OTUD7A: variants seen among roughly 807,000 people sequenced by gnomAD.
OTUD7A encodes the protein OTU deubiquitinase 7A, also known as OTU domain-containing protein 7A.
A neutral mutation model predicts 65.7 loss-of-function variants in OTUD7A; 12 were observed. The ratio of observed to expected loss-of-function variants is 0.18; its 90% CI spans 0.12 to 0.30. The LOEUF is 0.30. OTUD7A is among the 10% of genes least tolerant of loss of function. The pLI, the probability that OTUD7A is intolerant of heterozygous loss-of-function variation, is 1.00. For missense variants in OTUD7A, 1,148 were observed against 1,304.8 expected (o/e 0.88, Z 1.85); for synonymous variants, 641 against 586.3 (o/e 1.09, Z -1.35).
At chr15:31,582,278 A>T (rs1486920666) in intron 3 of OTUD7A, among the ~76,000 whole-genome samples, 1 of 152,206 alleles carries the variant, frequency 6.6e-6, no homozygotes, top group African/African-American at 2.4e-5. Flanking sequence ...CCATTCAGCA[A>T]GTCTCTAGGA....
intron 1 of OTUD7A, among the ~76,000 whole-genome samples, chr15:31,813,203 C>T (rs1393440462): frequency 2.0e-5 from 3 of 152,214 alleles, no homozygotes; most frequent in Non-Finnish European, 2.9e-5. Context: ...TGCAGGTATA[C>T]GCATGCCCTC....
chr15:31,481,562 T>C lies in OTUD7A; in HGVS notation c.*1732A>G, dbSNP rs1046605164. 3 of 152,218 alleles carry C rather than the reference T, an allele frequency of 2.0e-5. No homozygotes were observed. Among genetic ancestry groups the C allele is most frequent in the South Asian group, 2.1e-4 (1 of 4,834 alleles). The allele number at this position is 152,218 out of a possible 1,614,324, so 9.4% of individuals were successfully genotyped here. ...CAGGAAAAGTAAAACTTTCAAAAAA[T>C]TTCTTAAAGATCCTATTTAATAAAT... On this transcript the variant is annotated 3_prime_UTR_variant, in exon 13 of 13. Coordinates refer to ENST00000307050, the MANE Select transcript of OTUD7A (RefSeq NM_001382637.1).
chr15:31,567,690 G>A (rs1245129498), intron 4 of OTUD7A, among the ~76,000 whole-genome samples: 1 of 152,202 alleles, frequency 6.6e-6, no homozygotes, highest in Non-Finnish European at 1.5e-5. Flanking sequence ...CCCATCAAAG[G>A]CCTACAGGCC....
chr15:31,546,651 T>C (rs1195778069), intron 5 of OTUD7A, among the ~76,000 whole-genome samples: 1 of 152,192 alleles, frequency 6.6e-6, no homozygotes, highest in Non-Finnish European at 1.5e-5. Context: ...GAAAATAAAT[T>C]TCTGTCATTT....
chr15:31,798,861 T>C lies in OTUD7A; in HGVS notation c.-100+71646A>G, dbSNP rs567696179. Among the ~76,000 whole-genome samples, 13 of 152,258 alleles carry C rather than the reference T, an allele frequency of 8.5e-5. No homozygotes were observed. In the South Asian group the frequency reaches 2.7e-3, roughly 32 times the overall value. On this transcript the variant is annotated intron_variant, in intron 1 of 12. Coordinates refer to ENST00000307050, the MANE Select transcript of OTUD7A (RefSeq NM_001382637.1). ...AGGAGCTCTGTGCCTAGGGAACCCATTGCTTTGCTAGTGGGCAGAAAGCAG... is the reference window on the plus strand; with the variant it reads ...AGGAGCTCTGTGCCTAGGGAACCCACTGCTTTGCTAGTGGGCAGAAAGCAG...
At chr15:31,623,606 C>T (rs976541260) in intron 3 of OTUD7A, among the ~76,000 whole-genome samples, 6 of 152,224 alleles carry the variant, frequency 3.9e-5, no homozygotes, top group Non-Finnish European at 8.8e-5. Context: ...TTGCTAAGAC[C>T]ATTGGAAAAG....
intron 1 of OTUD7A, among the ~76,000 whole-genome samples, chr15:31,671,006 A>G (rs1892471050): frequency 6.6e-6 from 1 of 152,086 alleles, no homozygotes; most frequent in South Asian, 2.1e-4. Context: ...AAAAAAAAAA[A>G]AATCTTCTCC....
chr15:31,723,417 T>A (rs1393745643), intron 1 of OTUD7A, among the ~76,000 whole-genome samples: 5 of 84,050 alleles, frequency 5.9e-5, no homozygotes, highest in African/African-American at 2.6e-4. Flanking sequence ...CGCCCCCCGT[T>A]TGCCCATGAA....
In OTUD7A at chr15:31,484,382, CCTT is replaced by C. The variant is rs756129773; in HGVS notation, c.1711_1713del (p.Lys571del). ...TCCTTGCTGCCCTTGCGCGACTTGG[CCTT>C]CTTCTCCTTGCCCCGCTCGGCCGAG... is the stretch of plus-strand genomic sequence containing the variant. On this transcript the variant is annotated inframe_deletion, in exon 13 of 13. Coordinates refer to ENST00000307050, the MANE Select transcript of OTUD7A (RefSeq NM_001382637.1). The surrounding 1 kb of genome is among the most constrained non-coding windows in gnomAD (Gnocchi z 4.5). 2.2e-5 allele frequency: 35 copies of C among 1,601,194 alleles called. No individual in the cohort carries two copies. The highest frequency in any genetic ancestry group is 1.9e-4 in the South Asian group (17 of 91,052).
chr15:31,853,532 C>T (rs4238558), intron 1 of OTUD7A, among the ~76,000 whole-genome samples: 60,729 of 152,146 alleles, frequency 0.4, 14,465 homozygotes, highest in Non-Finnish European at 0.52. Context: ...ACATGGGCCC[C>T]GCCAGGAGAA....
At chr15:31,686,641 T>C (rs1892843412) in intron 1 of OTUD7A, among the ~76,000 whole-genome samples, 1 of 152,008 alleles carries the variant, frequency 6.6e-6, no homozygotes, top group South Asian at 2.1e-4. Flanking sequence ...AAAAAGGAGA[T>C]GTGGAAAGGC....
At chr15:31,560,135 T>C (rs1458600225) in intron 4 of OTUD7A, among the ~76,000 whole-genome samples, 2 of 152,262 alleles carry the variant, frequency 1.3e-5, no homozygotes, top group Non-Finnish European at 2.9e-5. Context: ...AGACCGCTCT[T>C]TGTCTCGATG....
At chr15:31,676,299 G>T (rs1892593679) in intron 1 of OTUD7A, among the ~76,000 whole-genome samples, 1 of 151,886 alleles carries the variant, frequency 6.6e-6, no homozygotes, top group Non-Finnish European at 1.5e-5. Context: ...CTTTGCTTTT[G>T]CTCATGGCTA....
chr15:31,766,761 A>C, intron 1 of OTUD7A: 1 of 1,612,770 alleles, frequency 6.2e-7, no homozygotes. Context: ...GCTTTTGAAT[A>C]TTTTCCTCTG....
chr15:31,501,577 G>A, intron 10 of OTUD7A, 113 bp downstream of exon 10: 1 of 1,372,802 alleles, frequency 7.3e-7, no homozygotes, highest in Non-Finnish European at 1.0e-6. Context: ...GTGCACAGGT[G>A]TGCTTCTAAG....
chr15:31,670,483 C>A (rs35335765), intron 1 of OTUD7A, among the ~76,000 whole-genome samples: 1 of 152,046 alleles, frequency 6.6e-6, no homozygotes, highest in African/African-American at 2.4e-5. Context: ...CTGACTAGCA[C>A]GAGATGGTAT....
intron 1 of OTUD7A, among the ~76,000 whole-genome samples, chr15:31,683,423 T>A (rs1892764920): frequency 6.6e-6 from 1 of 152,220 alleles, no homozygotes. Flanking sequence ...TTTTCATTTT[T>A]AGTCACTAGA....
chr15:31,781,996 TG>T (rs967570017), intron 1 of OTUD7A, among the ~76,000 whole-genome samples: 2 of 152,246 alleles, frequency 1.3e-5, no homozygotes, highest in Non-Finnish European at 2.9e-5. Context: ...TAAAGCTTGT[TG>T]CTCACTTTTA....
chr15:31,717,121 T>G lies in OTUD7A; in HGVS notation c.-99-60044A>C, dbSNP rs139308597. On this transcript the variant is annotated intron_variant, in intron 1 of 12. Transcript: ENST00000307050. ...CAGGTTTCATCCATTGTCCCAACAATGTCCTTTGTAACAAAATGGTTGTTT... is the reference window on the plus strand; with the variant it reads ...CAGGTTTCATCCATTGTCCCAACAAGGTCCTTTGTAACAAAATGGTTGTTT... 6.4e-3 allele frequency among the ~76,000 whole-genome samples: 981 copies of G among 152,338 alleles called. 8 individuals are homozygous for G. Among genetic ancestry groups the G allele is most frequent in the African/African-American group, 0.022 (909 of 41,566 alleles).
Sources: allele counts gnomAD v4.1 joint callset (sites outside exome capture counted in the v4.1 genomes callset), GRCh38; gene constraint gnomAD v4.1.1; non-coding constraint Gnocchi (gnomAD v3.1); transcripts MANE v1.5; gene names NCBI Gene and HGNC (gene_info 2026-07-23, HGNC 2026-07-21).